The following TNRC18 variants were observed in gnomAD, a reference collection of about 807,000 sequenced individuals.
TNRC18 encodes trinucleotide repeat-containing gene 18 protein.
In TNRC18, 69 loss-of-function variants were observed where a neutral mutation model predicts 226.7. The ratio of observed to expected loss-of-function variants is 0.30; its 90% confidence interval spans 0.25 to 0.37. TNRC18 has a LOEUF of 0.37. TNRC18 is among the 10% of genes least tolerant of loss of function. The probability of loss-of-function intolerance (pLI) is 1.00; values close to 1 mark genes in which losing one functional copy is unlikely to be tolerated. For synonymous variants in TNRC18, 2,449 were observed against 1,927.6 expected, an observed-to-expected ratio of 1.27 and a Z score of -7.09; for missense variants, 4,754 against 4,256.6, an observed-to-expected ratio of 1.12 and a Z score of -3.25.
chr7:5,375,947 T>C lies in TNRC18; in HGVS notation c.2799+87A>G, dbSNP rs1038688887. 2.5e-5 allele frequency: 33 copies of C among 1,332,650 alleles called. No homozygotes were observed. In the African/African-American group the frequency reaches 4.3e-4, roughly 17 times the overall value. 82.6% of individuals were successfully genotyped at this position (1,332,650 alleles called of 1,614,324 possible). ...CTGCTGTTTTCTCCCTCCCTGTAAC[T>C]GTCTGGAGATTCTGCTGGCTGACTC... is the stretch of plus-strand genomic sequence containing the variant. On this transcript the variant is annotated intron_variant, in intron 9 of 29. Coordinates refer to ENST00000430969, the MANE Select transcript of TNRC18 (RefSeq NM_001080495.3).
intron 18 of TNRC18, among the ~76,000 whole-genome samples, chr7:5,342,790 G>C (rs1267991327): frequency 1.3e-5 from 2 of 152,178 alleles, no homozygotes; most frequent in Non-Finnish European, 2.9e-5. Flanking sequence ...AAGTTCTATA[G>C]GTAAAACGCT....
rs1017142840 is a variant in TNRC18 at position 5,325,114 on chromosome 7, C to T, written c.6282G>A (p.Gly2094=). The change falls in exon 20 of 30, where the codon GGG becomes GGA. Residue 2094 remains glycine, a synonymous_variant. Coordinates refer to ENST00000430969, the MANE Select transcript of TNRC18 (RefSeq NM_001080495.3). The part of the protein sequence containing the change: ...AAKRSKAKAK[G]KEVKKENRGK... ...GCCTCACCTCCTTCTTCACCTCCTT[C>T]CCTTTGGCCTTGGCTTTGCTCCTTT... is the stretch of plus-strand genomic sequence containing the variant. 3 of 1,550,274 alleles carry T rather than the reference C, an allele frequency of 1.9e-6. No homozygotes were observed. In the Middle Eastern group the frequency reaches 6.5e-4, roughly 334 times the overall value.
rs753861831 is a variant in TNRC18, at chr7:5,313,004, TGAGGAGGAGGAGGAGGAG to T, written c.7869_7886del (p.Ser2666_Ser2671del). ...AAGAGGAGGAGGAGGAAGAGGAGGA[TGAGGAGGAGGAGGAGGAG>T]GAGGAGGAGGATGAGGAGGAGGAGG... On this transcript the variant is annotated inframe_deletion, in exon 27 of 30. Transcript: ENST00000430969. 9 of 748,240 alleles carry T rather than the reference TGAGGAGGAGGAGGAGGAG, an allele frequency of 1.2e-5. 1 individual carries two copies. The South Asian group carries it at 1.6e-4, about 14-fold the overall frequency. The allele number at this position is 748,240 out of a possible 1,614,324, so 46.4% of individuals were successfully genotyped here.
chr7:5,370,708 A>T lies in TNRC18; in HGVS notation c.3886T>A (p.Cys1296Ser). 1 of 1,610,094 alleles carries T rather than the reference A, an allele frequency of 6.2e-7. No individual in the cohort carries two copies. Residue 1296 changes from cysteine to serine, a missense_variant, in exon 11 of 30, where the codon TGT becomes AGT. Physicochemically the swap from Cys to Ser is moderately radical, Grantham distance 112 (BLOSUM62 -1). Transcript: ENST00000430969. ...ESQPTLEMSD[C>S]DVPAGEGQCP... ...TGTCCCTCCCCGGCGGGCACGTCAC[A>T]GTCTGACATTTCTAGGGTGGGCTGG...
Position 5,374,444 on chromosome 7 carries a change from T to C in TNRC18, c.2840A>G (p.Glu947Gly). ...LKAQEHRAEMEEKGSKRGLEA... is the reference protein window; with the variant it reads ...LKAQEHRAEMGEKGSKRGLEA... ...CAGGCCCCGCTTGCTCCCCTTCTCTTCCATCTCCGCCCGGTGCTCCTGCGC... is the reference window on the plus strand; with the variant it reads ...CAGGCCCCGCTTGCTCCCCTTCTCTCCCATCTCCGCCCGGTGCTCCTGCGC... The change falls in exon 10 of 30, where the codon GAA becomes GGA. Residue 947 changes from glutamate (E) to glycine (G), a missense_variant. By Grantham distance (98) the Glu-to-Gly change is moderately conservative. Transcript: ENST00000430969. The C allele has an allele frequency of 6.5e-7, 1 of 1,546,322 alleles. No individual in the cohort carries two copies. The highest frequency in any genetic ancestry group is 1.2e-5 in the South Asian group (1 of 83,986).
At chr7:5,308,556 A>G (rs569232847) in intron 29 of TNRC18, among the ~76,000 whole-genome samples, 1 of 152,154 alleles carries the variant, frequency 6.6e-6, no homozygotes, top group Non-Finnish European at 1.5e-5. Context: ...AGAGACAGAG[A>G]CCGAGATCGA....
intron 5 of TNRC18, among the ~76,000 whole-genome samples, chr7:5,387,382 T>C (rs1779870257): frequency 6.6e-6 from 1 of 152,230 alleles, no homozygotes; most frequent in African/African-American, 2.4e-5. Context: ...CCCAAGACCA[T>C]CTGTTCTCAG....
intron 16 of TNRC18, among the ~76,000 whole-genome samples, chr7:5,356,635 G>T (rs917943842): frequency 2.0e-5 from 3 of 152,160 alleles, no homozygotes; most frequent in Non-Finnish European, 2.9e-5. Flanking sequence ...AGACAGGGCC[G>T]GCGGAGGTCG....
chr7:5,312,810 G>A lies in TNRC18; in HGVS notation c.8081C>T (p.Ser2694Phe). 6.5e-7 allele frequency: 1 copy of A among 1,534,250 alleles called. No homozygotes were observed. The highest frequency in any genetic ancestry group is 8.7e-7 in the Non-Finnish European group (1 of 1,144,554). The change falls in exon 27 of 30, where the codon TCC becomes TTC. Residue 2694 changes from serine (S) to phenylalanine (F), a missense_variant. Coordinates refer to ENST00000430969, the MANE Select transcript of TNRC18 (RefSeq NM_001080495.3). The surrounding 1 kb of genome is among the most constrained non-coding windows in gnomAD (Gnocchi z 6.3). Reference protein sequence around the residue: ...EAAPAPTAGPSAQAALPTKAT... With the variant: ...EAAPAPTAGPFAQAALPTKAT... Reference sequence around the variant, plus strand: ...CTTGGTGGGGAGCGCCGCCTGCGCGGAAGGGCCAGCCGTGGGGGCGGGGGC... The same window carrying A: ...CTTGGTGGGGAGCGCCGCCTGCGCGAAAGGGCCAGCCGTGGGGGCGGGGGC...
chr7:5,345,517 G>GGGGGGGCGC, intron 18 of TNRC18, 45 bp downstream of exon 18: 1 of 377,744 alleles, frequency 2.6e-6, no homozygotes. Context: ...AATGGCGTCC[G>GGGGGGGCGC]CCCCTCCCAC....
intron 5 of TNRC18, among the ~76,000 whole-genome samples, chr7:5,383,761 T>A (rs1394666452): frequency 1.3e-5 from 2 of 152,066 alleles, no homozygotes; most frequent in East Asian, 3.9e-4. Context: ...TATGGGATTT[T>A]TTTTTTTAAG....
intron 5 of TNRC18, among the ~76,000 whole-genome samples, chr7:5,384,799 G>C (rs994408186): frequency 6.6e-6 from 1 of 152,210 alleles, no homozygotes; most frequent in Non-Finnish European, 1.5e-5. Flanking sequence ...AATAAGGCAG[G>C]TTCTCATGCA....
chr7:5,369,073 A>C (rs1369403792), intron 11 of TNRC18, among the ~76,000 whole-genome samples: 1 of 152,014 alleles, frequency 6.6e-6, no homozygotes, highest in African/African-American at 2.4e-5. Flanking sequence ...CGAGGCTGGG[A>C]GCGGTGGCTC....
intron 17 of TNRC18, among the ~76,000 whole-genome samples, chr7:5,347,041 A>G (rs12673200): frequency 0.32 from 48,739 of 151,750 alleles, 9,326 homozygotes; most frequent in East Asian, 0.66. Context: ...GAGCTGGCAG[A>G]CTGTCTAAAG....
At chr7:5,358,983 C>G (rs934649448) in intron 15 of TNRC18, among the ~76,000 whole-genome samples, 11 of 152,332 alleles carry the variant, frequency 7.2e-5, no homozygotes, top group East Asian at 1.9e-4. Flanking sequence ...CTGGAGAGTT[C>G]AGAGAGGAAA....
rs541343281 is a variant in TNRC18, at chr7:5,331,969, T to C, written c.6147+653A>G. Among the ~76,000 whole-genome samples the C allele has an allele frequency of 2.6e-5, 4 of 152,188 alleles. 1 individual carries two copies. Among genetic ancestry groups the C allele is most frequent in the African/African-American group, 9.6e-5 (4 of 41,518 alleles). ...TTTACTAGACCCATTGGCAGATGTG[T>C]TTATTAATTAAATACATCCCTAAAG... On this transcript the variant is annotated intron_variant, in intron 19 of 29. Transcript: ENST00000430969.
chr7:5,376,149 T>C lies in TNRC18; in HGVS notation c.2684A>G (p.His895Arg), dbSNP rs1794650106. The part of the protein sequence containing the change: ...LYPPGRSPLH[H>R]AQQLQLFSQQ... The stretch of plus-strand genomic sequence containing the variant: ...TGAGAAGAGCTGCAGCTGCTGGGCG[T>C]GGTGCAGGGGGCTGCGGCCCGGCGG... The change falls in exon 9 of 30, where the codon CAC (histidine) becomes CGC (arginine). Residue 895 changes from histidine to arginine, a missense_variant. Physicochemically the swap from His to Arg is conservative, Grantham distance 29 (BLOSUM62 0). Coordinates refer to ENST00000430969, the MANE Select transcript of TNRC18 (RefSeq NM_001080495.3). The C allele has an allele frequency of 2.5e-6, 4 of 1,586,720 alleles. No homozygotes were observed. The highest frequency in any genetic ancestry group is 3.4e-6 in the Non-Finnish European group (4 of 1,167,638).
chr7:5,405,466 G>A (rs144784618), intron 2 of TNRC18, among the ~76,000 whole-genome samples: 2,768 of 152,186 alleles, frequency 0.018, 97 homozygotes, highest in African/African-American at 0.063. Flanking sequence ...CTATTAAGGA[G>A]GCTAAGGCAG....
Position 5,312,449 on chromosome 7 carries a change from G to T in TNRC18, c.8388+54C>A. ...ACAGCATGAAGCCGTGGGCCCAGCA[G>T]AGAGACACAAGGCCCCCGGCCCCTC... On this transcript the variant is annotated intron_variant, in intron 27 of 29. Coordinates refer to ENST00000430969, the MANE Select transcript of TNRC18 (RefSeq NM_001080495.3). This position sits in a 1 kb window ranked among gnomAD's most constrained non-coding sequence, Gnocchi z 6.3. The T allele has an allele frequency of 6.3e-7, 1 of 1,589,326 alleles. No homozygotes were observed. The highest frequency in any genetic ancestry group is 1.1e-5 in the South Asian group (1 of 88,494).
Sources: allele counts gnomAD v4.1 joint callset (sites outside exome capture counted in the v4.1 genomes callset), GRCh38; gene constraint gnomAD v4.1.1; non-coding constraint Gnocchi (gnomAD v3.1); transcripts MANE v1.5; gene names NCBI Gene and HGNC (gene_info 2026-07-23, HGNC 2026-07-21).